Variants in HDAC4 observed in about 807,000 individuals in gnomAD.
HDAC4 encodes the protein histone deacetylase 4, also known as histone deacetylase A.
HDAC4 carries 16 observed loss-of-function variants against 135.1 expected under a neutral mutation model. The ratio of observed to expected loss-of-function variants is 0.12; its 90% CI spans 0.08 to 0.18. HDAC4 has a LOEUF of 0.18. Ranked by LOEUF, HDAC4 falls within the 10% of genes least tolerant of loss-of-function variation. The pLI is 1.00. For missense variants in HDAC4, 1,143 were observed against 1,511.8 expected (o/e 0.76, Z 4.05); for synonymous variants, 685 against 653.4 (o/e 1.05, Z -0.74).
chr2:239,314,342 A>G (rs2053027025), intron 2 of HDAC4, among the ~76,000 whole-genome samples: 1 of 152,146 alleles, frequency 6.6e-6, no homozygotes, highest in Non-Finnish European at 1.5e-5. Context: ...TCGACAAAAC[A>G]AGAGAGGTCA....
intron 5 of HDAC4, among the ~76,000 whole-genome samples, chr2:239,172,184 A>G (rs2043488582): frequency 6.6e-6 from 1 of 151,874 alleles, no homozygotes; most frequent in South Asian, 2.1e-4. Context: ...CAGAATTGGC[A>G]AAAGTATTAA....
At chr2:239,176,615 A>C in intron 4 of HDAC4, 52 bp from the exon 5 acceptor site, 1 of 1,563,280 alleles carries the variant, frequency 6.4e-7, no homozygotes, top group Non-Finnish European at 8.8e-7. Flanking sequence ...CCACACACAC[A>C]CAGAGACCCA....
chr2:239,104,860 GAAGAA>G (rs991268131), intron 15 of HDAC4, among the ~76,000 whole-genome samples: 1 of 152,254 alleles, frequency 6.6e-6, no homozygotes, highest in Admixed American at 6.5e-5. Context: ...ATAAGGCAAA[GAAGAA>G]AAGTAGAAAA....
At chr2:239,073,305 G>C (rs1392202075) in intron 22 of HDAC4, among the ~76,000 whole-genome samples, 1 of 152,232 alleles carries the variant, frequency 6.6e-6, no homozygotes, top group Non-Finnish European at 1.5e-5. Context: ...CAAGGACACA[G>C]GAGCTGTGCC....
Position 239,134,416 on chromosome 2 carries a change from T to C in HDAC4, c.1123A>G (p.Arg375Gly). The C allele has an allele frequency of 1.2e-6, 2 of 1,613,350 alleles. No homozygotes were observed. The highest frequency in any genetic ancestry group is 1.7e-6 in the Non-Finnish European group (2 of 1,179,774). Residue 375 changes from arginine to glycine, a missense_variant, in exon 11 of 27, where the codon AGA becomes GGA. Physicochemically the swap from Arg to Gly is moderately radical, Grantham distance 125. Coordinates refer to ENST00000543185, the MANE Select transcript of HDAC4 (RefSeq NM_001378414.1). ...AGTAGQQDAE[R>G]LTLPALQQRL... ...TGCTGGAGGGCGGGAAGGGTGAGTC[T>C]CTCGGCGTCCTGCTGGCCCGCCGTG...
At chr2:239,242,659 C>T (rs1267859855) in intron 2 of HDAC4, among the ~76,000 whole-genome samples, 1 of 152,174 alleles carries the variant, frequency 6.6e-6, no homozygotes, top group Non-Finnish European at 1.5e-5. Flanking sequence ...CTCAGTCCTA[C>T]AGTACAGTAA....
intron 1 of HDAC4, among the ~76,000 whole-genome samples, chr2:239,387,554 A>C (rs1695905011): frequency 6.6e-6 from 1 of 152,222 alleles, no homozygotes; most frequent in Non-Finnish European, 1.5e-5. Context: ...TGACCAGAGA[A>C]AGCTCCAGCC....
intron 12 of HDAC4, among the ~76,000 whole-genome samples, chr2:239,123,918 T>G (rs553489776): frequency 6.6e-6 from 1 of 151,880 alleles, no homozygotes; most frequent in East Asian, 1.9e-4. Context: ...ACCCCAATTT[T>G]TCACCCTCAG....
At chr2:239,219,643 A>C (rs2046840685) in intron 3 of HDAC4, among the ~76,000 whole-genome samples, 1 of 152,062 alleles carries the variant, frequency 6.6e-6, no homozygotes, top group Admixed American at 6.5e-5. Context: ...ATAAAATAAA[A>C]TAAATAAAAT....
In HDAC4 at chr2:239,060,828, C is replaced by T. The variant is rs371521669; in HGVS notation, c.3003+5894G>A. Among the ~76,000 whole-genome samples, 106 of 152,362 alleles carry T rather than the reference C, an allele frequency of 7.0e-4. No individual in the cohort carries two copies. The South Asian group carries it at 0.012, about 17-fold the overall frequency. On this transcript the variant is annotated intron_variant, in intron 24 of 26. Coordinates refer to ENST00000543185, the MANE Select transcript of HDAC4 (RefSeq NM_001378414.1). ...GCCCGCACCTGCCCCGGCCCGGGCC[C>T]GTGTGGGATGCACGCAGGCTCCTTT...
chr2:239,257,706 G>A (rs939413792), intron 2 of HDAC4, among the ~76,000 whole-genome samples: 3 of 152,088 alleles, frequency 2.0e-5, no homozygotes, highest in African/African-American at 7.2e-5. Flanking sequence ...CAAGCACCAG[G>A]CAGAAACAAA....
chr2:239,387,770 A>C (rs1161257841), intron 1 of HDAC4, among the ~76,000 whole-genome samples: 1 of 152,094 alleles, frequency 6.6e-6, no homozygotes, highest in African/African-American at 2.4e-5. Context: ...AAAAAGCCTA[A>C]AAAGCCGAGC....
At chr2:239,102,653 C>A in intron 16 of HDAC4, 123 bp downstream of exon 16, 1 of 1,131,926 alleles carries the variant, frequency 8.8e-7, no homozygotes, top group Admixed American at 2.0e-5. Context: ...CTTTCAGGCC[C>A]TTTACCTTAT....
Position 239,237,590 on chromosome 2 carries a change from A to AC in HDAC4, c.23-927_23-926insG, listed in dbSNP as rs2047957013. Among the ~76,000 whole-genome samples, 4 of 152,172 alleles carry AC rather than the reference A, an allele frequency of 2.6e-5. No homozygotes were observed. In the East Asian group the frequency reaches 5.8e-4, roughly 22 times the overall value. ...AGGTCAAATGACTGCAAAAAAAAAA[A>AC]AACCCATTTTTTTATCCAAAATAGA... On this transcript the variant is annotated intron_variant, in intron 2 of 26. Transcript: ENST00000543185.
intron 3 of HDAC4, among the ~76,000 whole-genome samples, chr2:239,218,859 C>A (rs2046792015): frequency 6.6e-6 from 1 of 151,370 alleles, no homozygotes; most frequent in Non-Finnish European, 1.5e-5. Flanking sequence ...CCAAAAAACA[C>A]ATGAAAAAAT....
chr2:239,129,190 C>T (rs2040400315), intron 11 of HDAC4, among the ~76,000 whole-genome samples: 2 of 152,292 alleles, frequency 1.3e-5, no homozygotes, highest in South Asian at 4.1e-4. Context: ...GGGTGCAAAA[C>T]CCAGGGCCGC....
intron 2 of HDAC4, among the ~76,000 whole-genome samples, chr2:239,277,470 T>C (rs1466471881): frequency 6.6e-5 from 10 of 152,154 alleles, no homozygotes; most frequent in Admixed American, 2.6e-4. Context: ...GGAAGGAACA[T>C]GTTTATGGTC....
chr2:239,180,707 A>G (rs1005841635), intron 4 of HDAC4, among the ~76,000 whole-genome samples: 2 of 152,220 alleles, frequency 1.3e-5, no homozygotes, highest in Non-Finnish European at 2.9e-5. Flanking sequence ...CAAAATGAAC[A>G]TGATTGCCCC....
At chr2:239,107,345 C>A (rs1417437619) in intron 15 of HDAC4, among the ~76,000 whole-genome samples, 1 of 152,238 alleles carries the variant, frequency 6.6e-6, no homozygotes, top group African/African-American at 2.4e-5. Flanking sequence ...CCGGGCCCTC[C>A]TTGTATGAGA....
Sources: allele counts gnomAD v4.1 joint callset (sites outside exome capture counted in the v4.1 genomes callset), GRCh38; gene constraint gnomAD v4.1.1; transcripts MANE v1.5; gene names NCBI Gene and HGNC (gene_info 2026-07-23, HGNC 2026-07-21).